The following VPS13B variants were observed in gnomAD, a reference collection of about 807,000 sequenced individuals.
The protein encoded by VPS13B is vacuolar protein sorting 13 homolog B.
VPS13B carries 285 observed loss-of-function variants against 426.4 expected under a neutral mutation model. The ratio of observed to expected loss-of-function variants is 0.67; its 90% CI spans 0.61 to 0.74. VPS13B has a LOEUF of 0.74. Among genes scored for constraint, VPS13B ranks in the 30% least tolerant of loss-of-function variants. The pLI is 0.00. For missense variants in VPS13B, 4,537 were observed against 4,782.6 expected, an observed-to-expected ratio of 0.95 and a Z score of 1.51; for synonymous variants, 1,676 against 1,676.4, an observed-to-expected ratio of 1.00 and a Z score of 0.01.
chr8:99,812,216 G>A (rs1813742287), intron 44 of VPS13B, among the ~76,000 whole-genome samples: 1 of 152,154 alleles, frequency 6.6e-6, no homozygotes, highest in Non-Finnish European at 1.5e-5. Flanking sequence ...AATGTTAAAT[G>A]TCTTTTTCAA....
At chr8:99,221,297 T>C (rs961106198) in intron 17 of VPS13B, among the ~76,000 whole-genome samples, 2 of 151,522 alleles carry the variant, frequency 1.3e-5, no homozygotes. Context: ...CATTTGGGTA[T>C]ATACCCAGTA....
intron 61 of VPS13B, among the ~76,000 whole-genome samples, chr8:99,872,157 A>G (rs1817453770): frequency 6.6e-6 from 1 of 152,162 alleles, no homozygotes; most frequent in Non-Finnish European, 1.5e-5. Context: ...TGGCTGCCTG[A>G]GGCCTGCAAC....
At chr8:99,565,235 C>T (rs1177277501) in intron 31 of VPS13B, among the ~76,000 whole-genome samples, 2 of 152,118 alleles carry the variant, frequency 1.3e-5, no homozygotes, top group Admixed American at 6.6e-5. Context: ...TTTATTTCTT[C>T]CTATCTCTGA....
chr8:99,029,225 C>G (rs1349992142), intron 2 of VPS13B, among the ~76,000 whole-genome samples: 1 of 150,336 alleles, frequency 6.7e-6, no homozygotes, highest in Non-Finnish European at 1.5e-5. Flanking sequence ...GGGATGGCGG[C>G]GGGGAAGAGG....
At chr8:99,783,788 A>T (rs558372490) in intron 42 of VPS13B, among the ~76,000 whole-genome samples, 1 of 152,308 alleles carries the variant, frequency 6.6e-6, no homozygotes, top group African/African-American at 2.4e-5. Context: ...TTTTATTTAC[A>T]TCTCTCACTG....
intron 17 of VPS13B, among the ~76,000 whole-genome samples, chr8:99,262,214 T>G (rs1033186941): frequency 5.3e-5 from 8 of 152,228 alleles, no homozygotes; most frequent in African/African-American, 1.9e-4. Flanking sequence ...ACTTTTTGTT[T>G]CATGTTGTTT....
At chr8:99,400,941 G>A (rs1815001262) in intron 21 of VPS13B, among the ~76,000 whole-genome samples, 1 of 152,180 alleles carries the variant, frequency 6.6e-6, no homozygotes, top group Non-Finnish European at 1.5e-5. Flanking sequence ...CAAAGTGCTT[G>A]TATTACAGGC....
chr8:99,329,604 G>A (rs1462976159), intron 19 of VPS13B, among the ~76,000 whole-genome samples: 2 of 151,918 alleles, frequency 1.3e-5, no homozygotes, highest in Non-Finnish European at 2.9e-5. Flanking sequence ...TTCCAGTTTC[G>A]TTTTTGAAGC....
intron 17 of VPS13B, among the ~76,000 whole-genome samples, chr8:99,239,468 C>A (rs1816806580): frequency 6.6e-6 from 1 of 152,100 alleles, no homozygotes; most frequent in Non-Finnish European, 1.5e-5. Context: ...ATATTACTGT[C>A]ATTTCACTTT....
chr8:99,359,525 G>T (rs1184384032), intron 19 of VPS13B, among the ~76,000 whole-genome samples: 1 of 152,128 alleles, frequency 6.6e-6, no homozygotes, highest in East Asian at 1.9e-4. Context: ...AGACAACAAA[G>T]TGAAGTATAT....
intron 30 of VPS13B, among the ~76,000 whole-genome samples, chr8:99,554,354 A>T (rs533949420): frequency 1.1e-4 from 17 of 152,224 alleles, no homozygotes; most frequent in Admixed American, 7.2e-4. Flanking sequence ...TAATCTAGGG[A>T]AATAGGTTAG....
intron 56 of VPS13B, among the ~76,000 whole-genome samples, chr8:99,857,451 C>T (rs1816608316): frequency 6.6e-6 from 1 of 152,244 alleles, no homozygotes; most frequent in South Asian, 2.1e-4. Flanking sequence ...AGGGAATCTG[C>T]TGTTTCTTTA....
At chr8:99,773,155 G>A (rs944098336) in intron 40 of VPS13B, among the ~76,000 whole-genome samples, 1 of 152,000 alleles carries the variant, frequency 6.6e-6, no homozygotes, top group African/African-American at 2.4e-5. Flanking sequence ...GAAAAAGGTA[G>A]GTCTAATTAC....
At chr8:99,269,334 C>A (rs1347226722) in intron 17 of VPS13B, among the ~76,000 whole-genome samples, 1 of 152,122 alleles carries the variant, frequency 6.6e-6, no homozygotes, top group Non-Finnish European at 1.5e-5. Flanking sequence ...CTCTAGTGGA[C>A]TATGACAACA....
chr8:99,613,428 T>C (rs1798552331), intron 33 of VPS13B, among the ~76,000 whole-genome samples: 2 of 152,216 alleles, frequency 1.3e-5, no homozygotes, highest in Non-Finnish European at 1.5e-5. Flanking sequence ...TATTTGCCCA[T>C]CTATCCATTC....
chr8:99,118,347 A>C lies in VPS13B; in HGVS notation c.937+2473A>C, dbSNP rs1324554287. ...ACATACATTGCTACACTTCACCCCTAACCCTCAGCTGCCTGTTGTTATCTA... is the reference window on the plus strand; with the variant it reads ...ACATACATTGCTACACTTCACCCCTCACCCTCAGCTGCCTGTTGTTATCTA... On this transcript the variant is annotated intron_variant, in intron 7 of 61. Transcript: ENST00000357162. 2.6e-5 allele frequency among the ~76,000 whole-genome samples: 4 copies of C among 152,152 alleles called. No homozygotes were observed. The East Asian group carries it at 7.7e-4, about 29-fold the overall frequency.
chr8:99,363,917 T>A (rs772392207), intron 19 of VPS13B, among the ~76,000 whole-genome samples: 28 of 152,234 alleles, frequency 1.8e-4, no homozygotes, highest in Non-Finnish European at 3.2e-4. Flanking sequence ...CAAACAATGA[T>A]AATTTAACTT....
chr8:99,588,490 T>TGTAA (rs1826427618), intron 33 of VPS13B, among the ~76,000 whole-genome samples: 1 of 151,578 alleles, frequency 6.6e-6, no homozygotes, highest in Non-Finnish European at 1.5e-5. Context: ...TCTTTTATTT[T>TGTAA]GCTTAGCAGT....
intron 3 of VPS13B, among the ~76,000 whole-genome samples, chr8:99,075,261 T>C (rs1845056936): frequency 6.6e-6 from 1 of 152,184 alleles, no homozygotes; most frequent in Non-Finnish European, 1.5e-5. Context: ...CTGCAGGCTG[T>C]ATAGTCATGT....
Sources: allele counts gnomAD v4.1 joint callset (sites outside exome capture counted in the v4.1 genomes callset), GRCh38; gene constraint gnomAD v4.1.1; transcripts MANE v1.5; gene names NCBI Gene and HGNC (gene_info 2026-07-23, HGNC 2026-07-21).